Variants in MAPK8IP1 observed in about 807,000 individuals in gnomAD.
The protein encoded by MAPK8IP1 is mitogen-activated protein kinase 8 interacting protein 1.
Under a neutral mutation model 72.6 loss-of-function variants are expected in MAPK8IP1, and 17 were observed. That is an observed-to-expected ratio of 0.23 (90% confidence interval 0.16 to 0.35). The LOEUF is 0.35. Among genes scored for constraint, MAPK8IP1 ranks in the 10% least tolerant of loss-of-function variants. The pLI is 1.00. For synonymous variants in MAPK8IP1, 401 were observed against 443.4 expected (o/e 0.90, Z 1.20); for missense variants, 789 against 1,009.7 (o/e 0.78, Z 2.96).
At position 45,903,402 on chromosome 11, in the gene MAPK8IP1, C is replaced by T. The variant is rs72902473; in HGVS notation, c.1455C>T (p.Asn485=). The change falls in exon 6 of 12, where the codon AAC becomes AAT. Residue 485 remains asparagine, a synonymous_variant. Transcript: ENST00000241014. This position sits in a 1 kb window ranked among gnomAD's most constrained non-coding sequence, Gnocchi z 6.4. ...ESFGLFSCII[N]GEEQEQTHRA... ...TCGGGCTGTTCTCCTGCATCATCAA[C>T]GGGGAGGAGCAGGAGCAGACCCACC... 6.0e-4 allele frequency: 968 copies of T among 1,613,464 alleles called. 1 individual carries two copies. The highest frequency in any genetic ancestry group is 7.7e-4 in the Non-Finnish European group (914 of 1,179,996).
rs968458253 is a variant in MAPK8IP1 at position 45,902,126 on chromosome 11, A to G, written c.604+65A>G. The G allele has an allele frequency of 7.9e-5, 111 of 1,405,872 alleles. No individual in the cohort carries two copies. The highest frequency in any genetic ancestry group is 1.1e-4 in the Non-Finnish European group (109 of 990,082). The allele number at this position is 1,405,872 out of a possible 1,614,324, so 87.1% of individuals were successfully genotyped here. ...CCCTGACTCAGTCCCCACTACAGAGAGCAAACCCTACAGTCTCCAAAGGGC... is the reference window on the plus strand; with the variant it reads ...CCCTGACTCAGTCCCCACTACAGAGGGCAAACCCTACAGTCTCCAAAGGGC... On this transcript the variant is annotated intron_variant, in intron 4 of 11. Coordinates refer to ENST00000241014, the MANE Select transcript of MAPK8IP1 (RefSeq NM_005456.4). This position sits in a 1 kb window ranked among gnomAD's most constrained non-coding sequence, Gnocchi z 9.3.
chr11:45,890,154 T>G (rs1207634675), intron 1 of MAPK8IP1, among the ~76,000 whole-genome samples: 2 of 151,886 alleles, frequency 1.3e-5, no homozygotes, highest in Non-Finnish European at 2.9e-5. Flanking sequence ...GGGTGTCTGG[T>G]GCCCAGTCTG....
Position 45,900,155 on chromosome 11 carries a change from G to A in MAPK8IP1, c.225G>A (p.Leu75=), listed in dbSNP as rs928293757. ...CTGTGCAGCCCCCGCGCGCCGGGCT[G>A]CTCTCTGCGGGCGGCGGCGGCGCGG... ...TLSLRPPRAG[L]LSAGGGGAGS... Residue 75 remains leucine (L), a synonymous_variant, in exon 3 of 12, where the codon CTG becomes CTA. Coordinates refer to ENST00000241014, the MANE Select transcript of MAPK8IP1 (RefSeq NM_005456.4). This position sits in a 1 kb window ranked among gnomAD's most constrained non-coding sequence, Gnocchi z 6.5. The A allele has an allele frequency of 3.1e-5, 40 of 1,302,206 alleles. No homozygotes were observed. In the African/African-American group the frequency reaches 5.5e-4, roughly 18 times the overall value. 80.7% of individuals were successfully genotyped at this position (1,302,206 alleles called of 1,614,324 possible). A position where few individuals can be genotyped will look rare whatever the true frequency, so the allele number is the denominator to read the frequency against.
intron 1 of MAPK8IP1, among the ~76,000 whole-genome samples, chr11:45,894,390 A>T (rs369941609): frequency 6.6e-5 from 10 of 152,228 alleles, no homozygotes; most frequent in African/African-American, 2.4e-4. Context: ...CATCCCCCTT[A>T]ACCCACCCCA....
chr11:45,896,029 A>G (rs534906153), intron 1 of MAPK8IP1, among the ~76,000 whole-genome samples: 1 of 152,036 alleles, frequency 6.6e-6, no homozygotes, highest in African/African-American at 2.4e-5. Context: ...TCCAGCCCCC[A>G]TTCCCCACCC....
chr11:45,886,014 A>C, intron 1 of MAPK8IP1, 93 bp downstream of exon 1: 1 of 722,518 alleles, frequency 1.4e-6, no homozygotes, highest in Non-Finnish European at 2.0e-6. Flanking sequence ...AACCTCGGGA[A>C]CCCGGGAACG....
At chr11:45,896,852 G>T (rs903773321) in intron 1 of MAPK8IP1, 14 of 1,548,404 alleles carry the variant, frequency 9.0e-6, no homozygotes, top group Admixed American at 7.8e-5. Flanking sequence ...CTGGGGCCCC[G>T]CAGCCCCCCG....
chr11:45,898,604 A>C (rs575884345), intron 2 of MAPK8IP1, among the ~76,000 whole-genome samples: 1 of 152,206 alleles, frequency 6.6e-6, no homozygotes, highest in Admixed American at 6.5e-5. Context: ...GCTTTAGGGC[A>C]GGAAGAAACA....
chr11:45,888,142 C>T (rs1435584191), intron 1 of MAPK8IP1, among the ~76,000 whole-genome samples: 1 of 152,222 alleles, frequency 6.6e-6, no homozygotes, highest in Non-Finnish European at 1.5e-5. Flanking sequence ...GGAGAGCCGC[C>T]TGTAGGCAGG....
chr11:45,900,165 G>T lies in MAPK8IP1; in HGVS notation c.235G>T (p.Gly79Cys). The T allele has an allele frequency of 7.7e-7, 1 of 1,306,850 alleles. No individual in the cohort carries two copies. Among genetic ancestry groups the T allele is most frequent in the Non-Finnish European group, 9.7e-7 (1 of 1,034,780 alleles). 81.0% of individuals were successfully genotyped at this position (1,306,850 alleles called of 1,614,324 possible). ...RPPRAGLLSA[G>C]GGGAGSRLQA... The stretch of plus-strand genomic sequence containing the variant: ...CCCGCGCGCCGGGCTGCTCTCTGCG[G>T]GCGGCGGCGGCGCGGGGAGCCGGTT... Residue 79 changes from glycine (G) to cysteine (C), a missense_variant, in exon 3 of 12, where the codon GGC becomes TGC. This residue lies in a region of MAPK8IP1 where 112 missense variants were observed against 111.8 expected (regional missense o/e 1.00). Coordinates refer to ENST00000241014, the MANE Select transcript of MAPK8IP1 (RefSeq NM_005456.4). The surrounding 1 kb of genome is among the most constrained non-coding windows in gnomAD (Gnocchi z 6.5).
At chr11:45,888,302 G>A (rs888830284) in intron 1 of MAPK8IP1, among the ~76,000 whole-genome samples, 3 of 152,222 alleles carry the variant, frequency 2.0e-5, no homozygotes, top group African/African-American at 4.8e-5. Flanking sequence ...GCTGACATTT[G>A]GAAGGCACTC....
At position 45,904,185 on chromosome 11, in the gene MAPK8IP1, G is replaced by T; in HGVS notation, c.1666+24G>T. On this transcript the variant is annotated intron_variant, in intron 7 of 11. Coordinates refer to ENST00000241014, the MANE Select transcript of MAPK8IP1 (RefSeq NM_005456.4). The surrounding 1 kb of genome is among the most constrained non-coding windows in gnomAD (Gnocchi z 6.4). ...AGGTAGTGTTCCCTCCCTGGCCTGT[G>T]CCCCCAGCCACCACATCTGTCTGCC... is the stretch of plus-strand genomic sequence containing the variant. 1 of 1,607,280 alleles carries T rather than the reference G, an allele frequency of 6.2e-7. No homozygotes were observed.
chr11:45,886,543 G>T (rs146874725), intron 1 of MAPK8IP1, among the ~76,000 whole-genome samples: 2 of 152,172 alleles, frequency 1.3e-5, no homozygotes, highest in African/African-American at 4.8e-5. Context: ...AAGGGAAGTC[G>T]GCTCGGCTCT....
At chr11:45,887,801 G>T (rs919245089) in intron 1 of MAPK8IP1, among the ~76,000 whole-genome samples, 4 of 152,266 alleles carry the variant, frequency 2.6e-5, no homozygotes, top group Non-Finnish European at 5.9e-5. Flanking sequence ...AGGCCAGTGC[G>T]TGGGAATAAT....
chr11:45,891,923 A>G (rs1266664347), intron 1 of MAPK8IP1, among the ~76,000 whole-genome samples: 1 of 152,194 alleles, frequency 6.6e-6, no homozygotes, highest in African/African-American at 2.4e-5. Context: ...TCTTCTCCAA[A>G]CAATGTGGGA....
At position 45,906,082 on chromosome 11, in the gene MAPK8IP1, C is replaced by T. The variant is rs1461587976; in HGVS notation, c.*361C>T. On this transcript the variant is annotated 3_prime_UTR_variant, in exon 12 of 12. Transcript: ENST00000241014. ...AGGGCTCGGGCGCTGTGGCTCCTGC[C>T]TTGATGAAGCCCGTGTCCTGCCTTG... 2.0e-5 allele frequency: 9 copies of T among 448,644 alleles called. No homozygotes were observed. The highest frequency in any genetic ancestry group is 1.7e-4 in the East Asian group (4 of 23,506). 27.8% of individuals were successfully genotyped at this position (448,644 alleles called of 1,614,324 possible). A position where few individuals can be genotyped will look rare whatever the true frequency, so the allele number is the denominator to read the frequency against.
chr11:45,886,316 G>A (rs1156858428), intron 1 of MAPK8IP1, among the ~76,000 whole-genome samples: 3 of 152,244 alleles, frequency 2.0e-5, no homozygotes, highest in East Asian at 3.9e-4. Flanking sequence ...GGAGGGGCGC[G>A]GGTCGCAGTT....
At chr11:45,888,263 G>A (rs1245668674) in intron 1 of MAPK8IP1, among the ~76,000 whole-genome samples, 4 of 152,198 alleles carry the variant, frequency 2.6e-5, no homozygotes, top group African/African-American at 7.2e-5. Context: ...TGCTCAGCAC[G>A]GGATAGTTAC....
At chr11:45,890,531 G>C (rs2086558912) in intron 1 of MAPK8IP1, among the ~76,000 whole-genome samples, 1 of 152,208 alleles carries the variant, frequency 6.6e-6, no homozygotes, top group African/African-American at 2.4e-5. Context: ...CCTGGCTGCT[G>C]GGTAGAGAGC....
Sources: gnomAD v4.1 joint callset for allele counts (sites outside exome capture counted in the v4.1 genomes callset) on GRCh38, gnomAD v4.1.1 for gene constraint, gnomAD v4.1.1 regional missense constraint, Gnocchi (gnomAD v3.1) non-coding constraint, MANE v1.5 for transcripts, NCBI Gene and HGNC (gene_info 2026-07-23, HGNC 2026-07-21) for gene names.